LRP1B: variants seen among roughly 807,000 people sequenced by gnomAD.
The protein encoded by LRP1B is low-density lipoprotein receptor-related protein 1B.
A neutral mutation model predicts 556.6 loss-of-function variants in LRP1B; 217 were observed. The observed-to-expected ratio is 0.39, with a 90% CI of 0.35 to 0.44. The LOEUF (loss-of-function observed/expected upper bound fraction) is 0.44. Ranked by LOEUF, LRP1B falls within the 20% of genes least tolerant of loss-of-function variation. LRP1B has a pLI of 1.00. For missense variants in LRP1B, 5,053 were observed against 5,620.8 expected, an observed-to-expected ratio of 0.90 and a Z score of 3.23; for synonymous variants, 2,047 against 1,865.8, an observed-to-expected ratio of 1.10 and a Z score of -2.50.
chr2:141,106,927 A>AT (rs1353326154), intron 7 of LRP1B, among the ~76,000 whole-genome samples: 1 of 152,136 alleles, frequency 6.6e-6, no homozygotes, highest in East Asian at 1.9e-4. Context: ...TAATTTTATC[A>AT]TTTTCAAGAA....
chr2:141,995,303 A>G (rs1246839470), intron 1 of LRP1B, among the ~76,000 whole-genome samples: 1 of 152,090 alleles, frequency 6.6e-6, no homozygotes, highest in African/African-American at 2.4e-5. Flanking sequence ...CTAGCTGCCA[A>G]CTTCTGTTTT....
At chr2:141,045,493 G>A (rs2105439701) in intron 11 of LRP1B, among the ~76,000 whole-genome samples, 1 of 151,628 alleles carries the variant, frequency 6.6e-6, no homozygotes, top group East Asian at 1.9e-4. Context: ...GTTAGAGAAA[G>A]TAACAATTAC....
intron 32 of LRP1B, among the ~76,000 whole-genome samples, chr2:140,779,454 T>C (rs868207287): frequency 1.3e-5 from 2 of 152,150 alleles, no homozygotes; most frequent in Middle Eastern, 3.4e-3. Flanking sequence ...CCCAGCACTT[T>C]GGGAGGCCAA....
intron 7 of LRP1B, among the ~76,000 whole-genome samples, chr2:141,118,650 C>T (rs1700966557): frequency 6.6e-6 from 1 of 151,980 alleles, no homozygotes; most frequent in East Asian, 1.9e-4. Context: ...CAAATGCACA[C>T]TCTGGACCAC....
rs540843126 is a variant in LRP1B at position 140,374,845 on chromosome 2, C to G, written c.10639-1708G>C. ...ATGAATGATTATCTCTGCAAGTGGG[C>G]TCATTTAAGTAAAGCAGCTCAATGA... is the stretch of plus-strand genomic sequence containing the variant. On this transcript the variant is annotated intron_variant, in intron 68 of 90. Coordinates refer to ENST00000389484, the MANE Select transcript of LRP1B (RefSeq NM_018557.3). Among the ~76,000 whole-genome samples the G allele has an allele frequency of 7.2e-5, 11 of 152,158 alleles. No individual in the cohort carries two copies. The South Asian group carries it at 2.3e-3, about 32-fold the overall frequency.
At chr2:141,243,972 A>G (rs1683977886) in intron 5 of LRP1B, among the ~76,000 whole-genome samples, 1 of 152,204 alleles carries the variant, frequency 6.6e-6, no homozygotes, top group Non-Finnish European at 1.5e-5. Context: ...GTATTATATT[A>G]CAAAGGAGGA....
chr2:140,253,121 G>T (rs544894866), intron 86 of LRP1B, among the ~76,000 whole-genome samples: 1 of 151,806 alleles, frequency 6.6e-6, no homozygotes, highest in Non-Finnish European at 1.5e-5. Context: ...TATGTCTGTT[G>T]TAATAAATTT....
At chr2:142,129,776 TCCTC>T (rs1707784162) in intron 1 of LRP1B, among the ~76,000 whole-genome samples, 2 of 152,202 alleles carry the variant, frequency 1.3e-5, no homozygotes, top group African/African-American at 4.8e-5. Flanking sequence ...TCTAGTATTT[TCCTC>T]CCTTTTTCAC....
At chr2:141,051,049 G>C (rs189178182) in intron 10 of LRP1B, among the ~76,000 whole-genome samples, 105 of 152,210 alleles carry the variant, frequency 6.9e-4, no homozygotes, top group Admixed American at 2.5e-3. Context: ...CCTGTCATTA[G>C]AGAAATGCAA....
chr2:141,500,365 T>C (rs533464671), intron 2 of LRP1B, among the ~76,000 whole-genome samples: 1 of 152,254 alleles, frequency 6.6e-6, no homozygotes, highest in East Asian at 1.9e-4. Flanking sequence ...GTGAAGCTCC[T>C]GTGTGCATAC....
intron 16 of LRP1B, 113 bp downstream of exon 16, chr2:140,993,882 T>A: frequency 9.5e-7 from 1 of 1,056,706 alleles, no homozygotes; most frequent in Non-Finnish European, 1.4e-6. Flanking sequence ...AAAATTAAAC[T>A]AGGTTCAATC....
intron 2 of LRP1B, among the ~76,000 whole-genome samples, chr2:141,573,692 T>C (rs553080991): frequency 7.4e-6 from 1 of 135,740 alleles, no homozygotes; most frequent in Non-Finnish European, 1.6e-5. Context: ...ATCAAAAAAA[T>C]AGACCACTAG....
chr2:141,903,037 C>T (rs1346615613), intron 1 of LRP1B, among the ~76,000 whole-genome samples: 1 of 151,826 alleles, frequency 6.6e-6, no homozygotes, highest in African/African-American at 2.4e-5. Context: ...TGACTCTTCC[C>T]AACTCCCTGC....
intron 79 of LRP1B, among the ~76,000 whole-genome samples, chr2:140,329,695 G>A (rs1680693056): frequency 1.3e-5 from 2 of 151,878 alleles, no homozygotes; most frequent in Non-Finnish European, 2.9e-5. Flanking sequence ...CAAGGGAGGT[G>A]AAGGACCTGT....
chr2:140,754,945 A>T (rs1688695645), intron 35 of LRP1B, among the ~76,000 whole-genome samples: 1 of 152,050 alleles, frequency 6.6e-6, no homozygotes, highest in Non-Finnish European at 1.5e-5. Flanking sequence ...CAAATGGAGA[A>T]AAAAATGAAA....
rs549444564 is a variant in LRP1B, at chr2:140,875,237, G to A, written c.4170-6974C>T. Among the ~76,000 whole-genome samples the A allele has an allele frequency of 2.6e-5, 4 of 152,282 alleles. No individual in the cohort carries two copies. The East Asian group carries it at 7.7e-4, about 29-fold the overall frequency. On this transcript the variant is annotated intron_variant, in intron 25 of 90. Transcript: ENST00000389484. Reference sequence around the variant, plus strand: ...GTAAAGGCAGATTTTGAGAGATAAAGTAAGTCCAGTTTCTCTATAAATTAA... The same window carrying A: ...GTAAAGGCAGATTTTGAGAGATAAAATAAGTCCAGTTTCTCTATAAATTAA...
At chr2:141,402,981 G>T (rs991950757) in intron 3 of LRP1B, among the ~76,000 whole-genome samples, 4 of 152,004 alleles carry the variant, frequency 2.6e-5, no homozygotes, top group African/African-American at 9.7e-5. Flanking sequence ...GAGATGGAGA[G>T]GAAAGGGGCA....
chr2:140,805,468 C>A (rs1254710443), intron 32 of LRP1B, among the ~76,000 whole-genome samples: 1 of 152,070 alleles, frequency 6.6e-6, no homozygotes, highest in African/African-American at 2.4e-5. Flanking sequence ...AAGCACAAAC[C>A]TATTCTAAGA....
chr2:141,003,674 T>C (rs567598555), intron 15 of LRP1B, among the ~76,000 whole-genome samples: 1 of 152,052 alleles, frequency 6.6e-6, no homozygotes, highest in Non-Finnish European at 1.5e-5. Context: ...TCCTGAACTA[T>C]GTAAGCCCAT....
Sources: gnomAD v4.1 joint callset for allele counts (sites outside exome capture counted in the v4.1 genomes callset) on GRCh38, gnomAD v4.1.1 for gene constraint, MANE v1.5 for transcripts, NCBI Gene and HGNC (gene_info 2026-07-23, HGNC 2026-07-21) for gene names.